Variants in SPMIP2 observed in about 807,000 individuals in gnomAD.
The protein encoded by SPMIP2 is sperm microtubule inner protein 2.
chr4:159,073,752 A>G, the SPMIP2 span, among the ~76,000 whole-genome samples: 1 of 152,212 alleles, frequency 6.6e-6, no homozygotes, highest in Admixed American at 6.5e-5. Flanking sequence ...CTGTAATCCC[A>G]GCACTTTGGG....
the SPMIP2 span, chr4:159,026,413 G>T: frequency 1.0e-6 from 1 of 984,356 alleles, no homozygotes; most frequent in Non-Finnish European, 1.6e-6. Flanking sequence ...TCAGCATCAG[G>T]AGTGGGATGG....
At chr4:158,986,148 T>C in the SPMIP2 span, among the ~76,000 whole-genome samples, 6 of 151,394 alleles carry the variant, frequency 4.0e-5, no homozygotes, top group East Asian at 5.8e-4. Context: ...TACAAACAAA[T>C]GGAAGAACAT....
the SPMIP2 span, among the ~76,000 whole-genome samples, chr4:158,997,813 C>T: frequency 2.6e-5 from 4 of 152,008 alleles, no homozygotes; most frequent in African/African-American, 9.7e-5. Flanking sequence ...CCTCCACACT[C>T]GGCTAATTTT....
At chr4:158,908,624 G>A in the SPMIP2 span, among the ~76,000 whole-genome samples, 31 of 152,120 alleles carry the variant, frequency 2.0e-4, no homozygotes, top group African/African-American at 7.5e-4. Context: ...ACCAATACAG[G>A]ACATCTCTGT....
the SPMIP2 span, among the ~76,000 whole-genome samples, chr4:159,066,293 G>A: frequency 6.6e-6 from 1 of 152,156 alleles, no homozygotes; most frequent in Non-Finnish European, 1.5e-5. Flanking sequence ...AGAGTGGTGA[G>A]TATTGGAGTT....
At chr4:158,930,020 C>A in the SPMIP2 span, among the ~76,000 whole-genome samples, 3 of 152,160 alleles carry the variant, frequency 2.0e-5, no homozygotes, top group Admixed American at 2.0e-4. Context: ...CTTACTTTCT[C>A]TTTCATTTTC....
the SPMIP2 span, among the ~76,000 whole-genome samples, chr4:159,048,851 T>G: frequency 2.0e-5 from 3 of 150,978 alleles, no homozygotes; most frequent in Admixed American, 6.6e-5. Context: ...ATTACAGATA[T>G]GCGACACCAT....
At chr4:158,897,827 A>G in the SPMIP2 span, among the ~76,000 whole-genome samples, 1 of 152,212 alleles carries the variant, frequency 6.6e-6, no homozygotes, top group African/African-American at 2.4e-5. Flanking sequence ...TGCTGTGAAG[A>G]AACTCTTTAG....
At chr4:159,020,233 T>C in the SPMIP2 span, among the ~76,000 whole-genome samples, 1 of 152,186 alleles carries the variant, frequency 6.6e-6, no homozygotes, top group East Asian at 1.9e-4. Flanking sequence ...TTCATTCTTC[T>C]TCCATCTCTG....
the SPMIP2 span, among the ~76,000 whole-genome samples, chr4:158,940,408 T>C: frequency 1.3e-5 from 2 of 152,186 alleles, no homozygotes; most frequent in African/African-American, 4.8e-5. Context: ...AAACAATTCA[T>C]CTTGGGTGGT....
At chr4:158,931,521 T>C in the SPMIP2 span, among the ~76,000 whole-genome samples, 10 of 151,976 alleles carry the variant, frequency 6.6e-5, no homozygotes, top group Non-Finnish European at 4.4e-5. Context: ...TCTCCCAAAG[T>C]ACTGGGATAA....
chr4:158,951,267 T>C, the SPMIP2 span, among the ~76,000 whole-genome samples: 1 of 152,320 alleles, frequency 6.6e-6, no homozygotes, highest in African/African-American at 2.4e-5. Context: ...TTCATCACTG[T>C]GTGCACATCA....
chr4:158,988,885 G>A, the SPMIP2 span, among the ~76,000 whole-genome samples: 1 of 152,262 alleles, frequency 6.6e-6, no homozygotes, highest in African/African-American at 2.4e-5. Flanking sequence ...GTTCTGGCCA[G>A]GTCAATCAGG....
At chr4:158,913,864 CAAGAG>C in the SPMIP2 span, among the ~76,000 whole-genome samples, 6 of 148,854 alleles carry the variant, frequency 4.0e-5, no homozygotes, top group Admixed American at 2.0e-4. Context: ...AAAAAAAAGA[CAAGAG>C]AAGTTGGGGG....
the SPMIP2 span, among the ~76,000 whole-genome samples, chr4:159,075,410 T>C: frequency 6.6e-6 from 1 of 152,216 alleles, no homozygotes; most frequent in Non-Finnish European, 1.5e-5. Flanking sequence ...TTATTTTCCT[T>C]TAACATTTTT....
chr4:158,907,613 TCCGCTAATATGTACTTTAG>T, the SPMIP2 span: 1 of 152,346 alleles, frequency 6.6e-6, no homozygotes, highest in African/African-American at 2.4e-5. Context: ...TCTGGATTTT[TCCGCTAATATGTACTTTAG>T]AGAATATTTT....
chr4:158,941,941 T>A, the SPMIP2 span, among the ~76,000 whole-genome samples: 1 of 152,156 alleles, frequency 6.6e-6, no homozygotes, highest in Non-Finnish European at 1.5e-5. Context: ...GAGGTGATAC[T>A]TGAATCATGT....
At chr4:159,077,656 T>G in the SPMIP2 span, among the ~76,000 whole-genome samples, 32 of 152,204 alleles carry the variant, frequency 2.1e-4, no homozygotes, top group Admixed American at 2.1e-3. Flanking sequence ...ATTGAAAAAT[T>G]TCTTTCCTTA....
the SPMIP2 span, among the ~76,000 whole-genome samples, chr4:158,984,311 C>A: frequency 1.7e-4 from 21 of 124,752 alleles, no homozygotes; most frequent in African/African-American, 5.8e-4. Flanking sequence ...CTCTCCACCC[C>A]AAATCCACAG....
Sources: allele counts gnomAD v4.1 joint callset (sites outside exome capture counted in the v4.1 genomes callset), GRCh38; gene constraint gnomAD v4.1.1; transcripts MANE v1.5; gene names NCBI Gene and HGNC (gene_info 2026-07-23, HGNC 2026-07-21).